DNAJB6: variants seen among roughly 807,000 people sequenced by gnomAD.
DNAJB6 encodes dnaJ homolog subfamily B member 6.
DNAJB6 carries 16 observed loss-of-function variants against 42.7 expected under a neutral mutation model. The observed-to-expected ratio is 0.37, with a 90% confidence interval of 0.25 to 0.57. The LOEUF (loss-of-function observed/expected upper bound fraction) is 0.57. Ranked by LOEUF, DNAJB6 falls within the 20% of genes least tolerant of loss-of-function variation. DNAJB6 has a pLI of 0.74. For missense variants in DNAJB6, 347 were observed against 416.8 expected (o/e 0.83, Z 1.46); for synonymous variants, 170 against 163.5 (o/e 1.04, Z -0.30).
rs1584936197 is a variant in DNAJB6, at chr7:157,393,553, G to A, written c.691+7942G>A. ...ATTCTGTAGAGAGGGTGAAGCTCCC[G>A]GCCCTGTGATCTTGAGGAGGGTGAG... On this transcript the variant is annotated intron_variant, in intron 8 of 9. Transcript: ENST00000262177. Among the ~76,000 whole-genome samples the A allele has an allele frequency of 4.6e-5, 7 of 152,184 alleles. No homozygotes were observed. The South Asian group carries it at 1.2e-3, about 27-fold the overall frequency.
intron 1 of DNAJB6, among the ~76,000 whole-genome samples, chr7:157,351,330 A>G (rs963832509): frequency 6.6e-6 from 1 of 152,116 alleles, no homozygotes; most frequent in South Asian, 2.1e-4. Flanking sequence ...CAAAAACTCT[A>G]TTAAAAAACT....
At chr7:157,407,293 C>T (rs986207061) in intron 8 of DNAJB6, among the ~76,000 whole-genome samples, 7 of 152,210 alleles carry the variant, frequency 4.6e-5, no homozygotes, top group Non-Finnish European at 7.4e-5. Flanking sequence ...TGTGACTGGG[C>T]CAGGCAGGGG....
intron 2 of DNAJB6, among the ~76,000 whole-genome samples, chr7:157,361,510 A>C (rs1799595886): frequency 6.6e-6 from 1 of 152,024 alleles, no homozygotes; most frequent in African/African-American, 2.4e-5. Context: ...AGTATTCTGG[A>C]CTCCAGCTTT....
chr7:157,369,690 G>GC (rs1226917615), intron 5 of DNAJB6, among the ~76,000 whole-genome samples: 39 of 148,574 alleles, frequency 2.6e-4, no homozygotes, highest in African/African-American at 8.4e-4. Context: ...TATTAAACAG[G>GC]CCTTTCATAA....
chr7:157,397,705 T>C (rs1801660214), intron 8 of DNAJB6, among the ~76,000 whole-genome samples: 1 of 152,224 alleles, frequency 6.6e-6, no homozygotes, highest in Non-Finnish European at 1.5e-5. Context: ...CACGTCTTCA[T>C]TCCCTGGAGC....
intron 1 of DNAJB6, among the ~76,000 whole-genome samples, chr7:157,339,546 T>G (rs1028035707): frequency 7.3e-5 from 11 of 151,494 alleles, no homozygotes; most frequent in African/African-American, 1.7e-4. Flanking sequence ...GTGATCCGCC[T>G]CCTCGGCCTC....
chr7:157,337,529 T>C (rs964839831), intron 1 of DNAJB6: 1 of 152,276 alleles, frequency 6.6e-6, no homozygotes, highest in African/African-American at 2.4e-5. Context: ...GCCTTCTTTT[T>C]CTAAGGCTCC....
intron 9 of DNAJB6, chr7:157,410,416 C>T (rs369691350): frequency 2.3e-5 from 8 of 342,158 alleles, no homozygotes; most frequent in African/African-American, 1.7e-4. Flanking sequence ...TTCACCTTCT[C>T]GTGCCTTCTT....
At chr7:157,339,993 G>A (rs934292348) in intron 1 of DNAJB6, 1 of 152,214 alleles carries the variant, frequency 6.6e-6, no homozygotes, top group Non-Finnish European at 1.5e-5. Flanking sequence ...CATCCTGAAC[G>A]TGTCGCTGTG....
chr7:157,401,219 TC>T (rs1233301200), intron 8 of DNAJB6, among the ~76,000 whole-genome samples: 1 of 152,172 alleles, frequency 6.6e-6, no homozygotes, highest in Non-Finnish European at 1.5e-5. Context: ...AATTTATATT[TC>T]TTTTTTCTTT....
chr7:157,417,375 AC>A lies in DNAJB6; in HGVS notation c.*1280del, dbSNP rs1223445625. ...TTTGATGCTTTCTGTGGACAATGTAACCCTAAACACATCATGTATTTTAAAT... is the reference window on the plus strand; with the variant it reads ...TTTGATGCTTTCTGTGGACAATGTAACCTAAACACATCATGTATTTTAAAT... On this transcript the variant is annotated 3_prime_UTR_variant, in exon 10 of 10. Transcript: ENST00000262177. 6.6e-6 allele frequency: 1 copy of A among 152,224 alleles called. No homozygotes were observed. Among genetic ancestry groups the A allele is most frequent in the African/African-American group, 2.4e-5 (1 of 41,448 alleles). The allele number at this position is 152,224 out of a possible 1,614,324, so 9.4% of individuals were successfully genotyped here.
At chr7:157,410,462 C>G (rs1235257295) in intron 9 of DNAJB6, 2 of 231,636 alleles carry the variant, frequency 8.6e-6, no homozygotes, top group Non-Finnish European at 1.7e-5. Flanking sequence ...CCCCTCAAGT[C>G]AAGCCTCCTT....
intron 2 of DNAJB6, among the ~76,000 whole-genome samples, chr7:157,361,897 T>TC (rs1799622055): frequency 6.6e-6 from 1 of 152,156 alleles, no homozygotes; most frequent in Non-Finnish European, 1.5e-5. Context: ...GCCTCCTGAG[T>TC]AGCTGGGATT....
Position 157,358,640 on chromosome 7 carries a change from A to G in DNAJB6, c.65+3A>G, listed in dbSNP as rs1231692496. 2 of 1,609,152 alleles carry G rather than the reference A, an allele frequency of 1.2e-6. No individual in the cohort carries two copies. Among genetic ancestry groups the G allele is most frequent in the Non-Finnish European group, 1.7e-6 (2 of 1,175,524 alleles). On this transcript the variant is annotated splice_donor_region_variant and intron_variant, in intron 2 of 9. Coordinates refer to ENST00000262177, the MANE Select transcript of DNAJB6 (RefSeq NM_058246.4). ...TCACCCGAGGATATTAAAAAGGCGTAAGTAGTTTTATTTCTGTGGTAATGC... is the reference window on the plus strand; with the variant it reads ...TCACCCGAGGATATTAAAAAGGCGTGAGTAGTTTTATTTCTGTGGTAATGC...
chr7:157,341,230 T>G (rs1362540470), intron 1 of DNAJB6, among the ~76,000 whole-genome samples: 1 of 152,090 alleles, frequency 6.6e-6, no homozygotes, highest in Admixed American at 6.6e-5. Context: ...GTTCAAGCGA[T>G]TCTCCTGCCT....
chr7:157,415,969 G>A, intron 9 of DNAJB6, 47 bp from the exon 10 acceptor site: 3 of 1,609,466 alleles, frequency 1.9e-6, no homozygotes, highest in Non-Finnish European at 2.5e-6. Context: ...TCTTGCTGGG[G>A]AAGCAGTGCT....
intron 1 of DNAJB6, among the ~76,000 whole-genome samples, chr7:157,353,275 T>A (rs1799092149): frequency 6.6e-6 from 1 of 150,520 alleles, no homozygotes; most frequent in Non-Finnish European, 1.5e-5. Context: ...CTTTTTGAAG[T>A]TTTTAAACTT....
At chr7:157,393,220 G>A (rs868626178) in intron 8 of DNAJB6, among the ~76,000 whole-genome samples, 6 of 151,968 alleles carry the variant, frequency 3.9e-5, no homozygotes, top group South Asian at 2.1e-4. Context: ...GAGTTATCCC[G>A]CCCTCCTTGG....
intron 1 of DNAJB6, among the ~76,000 whole-genome samples, chr7:157,340,546 G>A (rs1445106900): frequency 6.6e-6 from 1 of 150,388 alleles, no homozygotes; most frequent in Admixed American, 6.6e-5. Flanking sequence ...TTTTTTTTTT[G>A]TATTGATATT....
Sources: allele counts gnomAD v4.1 joint callset (sites outside exome capture counted in the v4.1 genomes callset), GRCh38; gene constraint gnomAD v4.1.1; transcripts MANE v1.5; gene names NCBI Gene and HGNC (gene_info 2026-07-23, HGNC 2026-07-21).